The following BANK1 variants were observed in gnomAD, a reference collection of about 807,000 sequenced individuals.
BANK1 encodes the protein B cell scaffold protein with ankyrin repeats 1.
Under a neutral mutation model 94.5 loss-of-function variants are expected in BANK1, and 95 were observed. The observed-to-expected ratio is 1.00, with a 90% CI of 0.85 to 1.19. BANK1 has a LOEUF of 1.19. BANK1 is among the 50% of genes most tolerant of loss of function. The probability of loss-of-function intolerance (pLI) is 0.00; values close to 1 mark genes in which losing one functional copy is unlikely to be tolerated. For missense variants in BANK1, 987 were observed against 932.2 expected, an observed-to-expected ratio of 1.06 and a Z score of -0.77; for synonymous variants, 334 against 308.4, an observed-to-expected ratio of 1.08 and a Z score of -0.87.
chr4:101,857,373 G>A (rs779413611), intron 3 of BANK1, among the ~76,000 whole-genome samples: 5 of 152,102 alleles, frequency 3.3e-5, no homozygotes, highest in African/African-American at 4.8e-5. Context: ...TTATAGTTGC[G>A]TAATTTTCAT....
chr4:101,942,010 G>C (rs1723766152), intron 7 of BANK1, among the ~76,000 whole-genome samples: 2 of 151,772 alleles, frequency 1.3e-5, no homozygotes, highest in South Asian at 2.1e-4. Flanking sequence ...TCAGTAATTG[G>C]ACTTCATGGA....
At chr4:101,855,238 G>A (rs1727638576) in intron 3 of BANK1, 49 bp downstream of exon 3, 1 of 1,541,680 alleles carries the variant, frequency 6.5e-7, no homozygotes, top group African/African-American at 1.4e-5. Flanking sequence ...TGTTATGGTG[G>A]TGGTGGTGGT....
chr4:101,885,447 A>G (rs1045554490), intron 5 of BANK1, among the ~76,000 whole-genome samples: 1 of 152,134 alleles, frequency 6.6e-6, no homozygotes, highest in Non-Finnish European at 1.5e-5. Context: ...ACTACAGGGA[A>G]CTTTGCATGT....
intron 10 of BANK1, among the ~76,000 whole-genome samples, chr4:102,041,351 C>A (rs72933929): frequency 0.01 from 1,527 of 152,078 alleles, 29 homozygotes; most frequent in African/African-American, 0.035. Flanking sequence ...GGTGTGTTTG[C>A]TTCAGTGATA....
Position 102,021,607 on chromosome 4 carries a change from G to C in BANK1, c.1285+15G>C. On this transcript the variant is annotated intron_variant, in intron 8 of 16. Coordinates refer to ENST00000322953, the MANE Select transcript of BANK1 (RefSeq NM_017935.5). ...ATATATTCCTTGTAAGTTTTTCCAT[G>C]TTATATATATATATGACATATTCAT... is the stretch of plus-strand genomic sequence containing the variant. 3 of 1,012,826 alleles carry C rather than the reference G, an allele frequency of 3.0e-6. No individual in the cohort carries two copies. Among genetic ancestry groups the C allele is most frequent in the Non-Finnish European group, 4.2e-6 (3 of 707,532 alleles). The allele number at this position is 1,012,826 out of a possible 1,614,324, so 62.7% of individuals were successfully genotyped here.
chr4:101,968,545 G>A (rs1295006538), intron 7 of BANK1, among the ~76,000 whole-genome samples: 2 of 151,848 alleles, frequency 1.3e-5, no homozygotes, highest in African/African-American at 2.4e-5. Context: ...GGTGTAGAGA[G>A]GAGAGTAACA....
intron 6 of BANK1, among the ~76,000 whole-genome samples, chr4:101,900,306 G>C (rs1441327702): frequency 6.6e-6 from 1 of 152,206 alleles, no homozygotes; most frequent in Non-Finnish European, 1.5e-5. Flanking sequence ...ATTGCAAATA[G>C]TGATAAGGGT....
intron 7 of BANK1, among the ~76,000 whole-genome samples, chr4:101,959,209 A>C (rs1227260424): frequency 6.6e-6 from 1 of 151,710 alleles, no homozygotes; most frequent in Admixed American, 6.6e-5. Flanking sequence ...GCGCAATTTC[A>C]GCTCACTGCA....
intron 7 of BANK1, among the ~76,000 whole-genome samples, chr4:102,002,379 G>A (rs953409840): frequency 6.6e-6 from 1 of 151,776 alleles, no homozygotes; most frequent in East Asian, 1.9e-4. Flanking sequence ...AAAAAAAGAG[G>A]TAACAATAGT....
At chr4:101,934,899 C>G (rs935309926) in intron 7 of BANK1, among the ~76,000 whole-genome samples, 13 of 151,646 alleles carry the variant, frequency 8.6e-5, no homozygotes, top group African/African-American at 3.1e-4. Flanking sequence ...GCCCTTTTCA[C>G]AGCAGTACCA....
intron 7 of BANK1, among the ~76,000 whole-genome samples, chr4:101,931,732 G>T (rs1211109515): frequency 1.3e-5 from 2 of 151,446 alleles, no homozygotes; most frequent in Non-Finnish European, 3.0e-5. Flanking sequence ...GTAAAATCAA[G>T]ATGAGGAAAT....
intron 2 of BANK1, 73 bp from the exon 3 acceptor site, chr4:101,854,962 A>T: frequency 8.7e-7 from 1 of 1,154,112 alleles, no homozygotes; most frequent in Non-Finnish European, 1.2e-6. Flanking sequence ...TTTAGCAATT[A>T]GTCTTTATAG....
intron 4 of BANK1, among the ~76,000 whole-genome samples, chr4:101,864,267 G>A (rs1727986340): frequency 6.6e-6 from 1 of 152,120 alleles, no homozygotes; most frequent in Admixed American, 6.6e-5. Flanking sequence ...AACCTGTTTG[G>A]TTGGATGGAA....
intron 10 of BANK1, among the ~76,000 whole-genome samples, chr4:102,040,199 C>T (rs960108096): frequency 6.6e-6 from 1 of 152,062 alleles, no homozygotes; most frequent in Non-Finnish European, 1.5e-5. Flanking sequence ...TCACCTTCTC[C>T]TCCTCCTCTG....
intron 8 of BANK1, among the ~76,000 whole-genome samples, chr4:102,023,934 G>A (rs904104578): frequency 1.3e-5 from 2 of 152,138 alleles, no homozygotes; most frequent in East Asian, 1.9e-4. Context: ...CAGGCTTAGT[G>A]TTTTGTGTTA....
intron 1 of BANK1, among the ~76,000 whole-genome samples, chr4:101,813,371 T>C (rs1006802921): frequency 6.6e-6 from 1 of 152,226 alleles, no homozygotes; most frequent in Admixed American, 6.5e-5. Flanking sequence ...TTTATTTTCT[T>C]TTTTCACATT....
chr4:101,981,448 G>T (rs368302994), intron 7 of BANK1, among the ~76,000 whole-genome samples: 1 of 151,912 alleles, frequency 6.6e-6, no homozygotes, highest in African/African-American at 2.4e-5. Context: ...TATTTTTCTC[G>T]TAATGTGCTG....
At chr4:101,883,711 T>G (rs561606770) in intron 5 of BANK1, among the ~76,000 whole-genome samples, 1 of 152,316 alleles carries the variant, frequency 6.6e-6, no homozygotes, top group Non-Finnish European at 1.5e-5. Flanking sequence ...CTACCTGCTT[T>G]TTTAGAGGAT....
intron 11 of BANK1, among the ~76,000 whole-genome samples, chr4:102,053,813 T>C (rs1728133031): frequency 6.6e-6 from 1 of 151,814 alleles, no homozygotes; most frequent in African/African-American, 2.4e-5. Context: ...ATAATCTGGT[T>C]ACAATGACCA....
Sources: gnomAD v4.1 joint callset for allele counts (sites outside exome capture counted in the v4.1 genomes callset) on GRCh38, gnomAD v4.1.1 for gene constraint, MANE v1.5 for transcripts, NCBI Gene and HGNC (gene_info 2026-07-23, HGNC 2026-07-21) for gene names.